Variants in RCAN2 observed in about 807,000 individuals in gnomAD.
RCAN2 encodes the protein regulator of calcineurin 2.
A neutral mutation model predicts 23.6 loss-of-function variants in RCAN2; 9 were observed. The ratio of observed to expected loss-of-function variants is 0.38; its 90% CI spans 0.23 to 0.67. The LOEUF (loss-of-function observed/expected upper bound fraction) is 0.67, where lower values mean the gene tolerates loss of function less well. RCAN2 is among the 30% of genes least tolerant of loss of function. RCAN2 has a pLI of 0.51. For missense variants in RCAN2, 273 were observed against 302.3 expected, an observed-to-expected ratio of 0.90 and a Z score of 0.72; for synonymous variants, 109 against 115.7, an observed-to-expected ratio of 0.94 and a Z score of 0.37.
intron 2 of RCAN2, among the ~76,000 whole-genome samples, chr6:46,285,254 TG>T (rs1486668634): frequency 1.9e-4 from 29 of 152,348 alleles, no homozygotes; most frequent in African/African-American, 6.7e-4. Context: ...ATCAAATGGA[TG>T]TTTAAAAATA....
At chr6:46,336,280 A>G (rs186976138) in intron 2 of RCAN2, among the ~76,000 whole-genome samples, 1 of 152,368 alleles carries the variant, frequency 6.6e-6, no homozygotes, top group East Asian at 1.9e-4. Flanking sequence ...TTGTAGAAAT[A>G]TAAGAGAACT....
At chr6:46,395,056 G>T (rs1381265388) in intron 2 of RCAN2, among the ~76,000 whole-genome samples, 1 of 152,188 alleles carries the variant, frequency 6.6e-6, no homozygotes, top group Non-Finnish European at 1.5e-5. Flanking sequence ...AAGTTGCCAG[G>T]AGTGGTGATA....
chr6:46,350,387 G>C (rs1246348725), intron 2 of RCAN2, among the ~76,000 whole-genome samples: 1 of 152,162 alleles, frequency 6.6e-6, no homozygotes, highest in Non-Finnish European at 1.5e-5. Context: ...GCTGGATAGA[G>C]GTGTCCAGAG....
chr6:46,489,016 T>C (rs1407490976), intron 1 of RCAN2, among the ~76,000 whole-genome samples: 3 of 152,252 alleles, frequency 2.0e-5, no homozygotes, highest in Non-Finnish European at 2.9e-5. Context: ...AAGGGCCACA[T>C]GGTTTCTCCT....
chr6:46,226,138 G>A (rs1765656533), intron 4 of RCAN2, among the ~76,000 whole-genome samples: 1 of 152,066 alleles, frequency 6.6e-6, no homozygotes, highest in African/African-American at 2.4e-5. Context: ...CTGTTCCATT[G>A]GTCTATATCT....
At chr6:46,401,568 T>C (rs924458923) in intron 2 of RCAN2, among the ~76,000 whole-genome samples, 2 of 152,202 alleles carry the variant, frequency 1.3e-5, no homozygotes, top group Non-Finnish European at 2.9e-5. Flanking sequence ...TATATAATAA[T>C]GGGGACTGAC....
At chr6:46,295,919 G>A (rs749910958) in intron 2 of RCAN2, among the ~76,000 whole-genome samples, 15 of 151,672 alleles carry the variant, frequency 9.9e-5, no homozygotes, top group Non-Finnish European at 2.2e-4. Flanking sequence ...GTGGAAGGAT[G>A]GAAGCAAGGA....
intron 2 of RCAN2, among the ~76,000 whole-genome samples, chr6:46,269,226 C>T (rs1767442166): frequency 6.6e-6 from 1 of 151,974 alleles, no homozygotes; most frequent in African/African-American, 2.4e-5. Flanking sequence ...CCATATTTTC[C>T]ATCTCTTTGT....
chr6:46,426,101 G>C (rs563970029), intron 2 of RCAN2, among the ~76,000 whole-genome samples: 3 of 151,760 alleles, frequency 2.0e-5, no homozygotes, highest in African/African-American at 7.3e-5. Context: ...GTTTCACCAT[G>C]TTGGTCAGGC....
chr6:46,456,824 G>A lies in RCAN2; in HGVS notation c.153C>T (p.Asp51=). Residue 51 remains aspartate (D), a synonymous_variant, in exon 2 of 5, where the codon GAC becomes GAT. Transcript: ENST00000371374. ...ACAACGAGTTGGGGAGGTCATTGAA[G>A]TCAGTGATTGCTTGAAAGGCTTCTT... is the stretch of plus-strand genomic sequence containing the variant. ...FAEEAFQAIT[D]FNDLPNSLFA... The A allele has an allele frequency of 1.9e-6, 3 of 1,550,804 alleles. No homozygotes were observed. The highest frequency in any genetic ancestry group is 2.6e-6 in the Non-Finnish European group (3 of 1,147,032).
At chr6:46,358,611 G>A (rs752045359) in intron 2 of RCAN2, among the ~76,000 whole-genome samples, 2 of 152,162 alleles carry the variant, frequency 1.3e-5, no homozygotes, top group Non-Finnish European at 2.9e-5. Flanking sequence ...ACCTCCCCAT[G>A]TATCAGGGAA....
At chr6:46,242,385 C>T (rs768763375) in intron 4 of RCAN2, among the ~76,000 whole-genome samples, 3 of 152,184 alleles carry the variant, frequency 2.0e-5, no homozygotes, top group African/African-American at 7.2e-5. Context: ...GTGTCATTGC[C>T]TCTGGGGGCA....
rs1008053181 is a variant in RCAN2 at position 46,454,043 on chromosome 6, G to T, written c.225+2709C>A. ...AAAAACAATTACCATGGCCAGCCTT[G>T]CCCATAGGCCAATACAAGGAGTGCT... On this transcript the variant is annotated intron_variant, in intron 2 of 4. Transcript: ENST00000371374. Among the ~76,000 whole-genome samples, 6 of 152,196 alleles carry T rather than the reference G, an allele frequency of 3.9e-5. No homozygotes were observed. The East Asian group carries it at 5.8e-4, about 15-fold the overall frequency.
intron 2 of RCAN2, among the ~76,000 whole-genome samples, chr6:46,342,154 A>C (rs1264854352): frequency 1.3e-5 from 2 of 152,180 alleles, no homozygotes; most frequent in East Asian, 3.9e-4. Flanking sequence ...GCTATGAAAG[A>C]CTGGCTCTAG....
chr6:46,468,726 A>C, intron 1 of RCAN2: 83 of 423,302 alleles, frequency 2.0e-4, no homozygotes, highest in Non-Finnish European at 2.5e-4. Context: ...ATACCCTCAG[A>C]TTCCCTCTCT....
At chr6:46,472,754 A>G (rs955145771) in intron 1 of RCAN2, among the ~76,000 whole-genome samples, 1 of 152,236 alleles carries the variant, frequency 6.6e-6, no homozygotes, top group Non-Finnish European at 1.5e-5. Flanking sequence ...TTGGGGAATC[A>G]AAACTCAATC....
chr6:46,254,181 A>G (rs1160876848), intron 2 of RCAN2, among the ~76,000 whole-genome samples: 1 of 152,190 alleles, frequency 6.6e-6, no homozygotes, highest in Non-Finnish European at 1.5e-5. Context: ...ATACCTTTGT[A>G]TTACTATGAA....
intron 2 of RCAN2, among the ~76,000 whole-genome samples, chr6:46,271,502 C>T (rs928641399): frequency 7.2e-5 from 11 of 152,146 alleles, no homozygotes; most frequent in South Asian, 2.1e-4. Context: ...ATCTGAGCAC[C>T]GTGGCACTGC....
intron 2 of RCAN2, among the ~76,000 whole-genome samples, chr6:46,429,923 T>G (rs1767141663): frequency 6.6e-6 from 1 of 152,028 alleles, no homozygotes; most frequent in African/African-American, 2.4e-5. Context: ...ATGACAACAG[T>G]TGTAAACTCA....
Sources: allele counts gnomAD v4.1 joint callset (sites outside exome capture counted in the v4.1 genomes callset), GRCh38; gene constraint gnomAD v4.1.1; transcripts MANE v1.5; gene names NCBI Gene and HGNC (gene_info 2026-07-23, HGNC 2026-07-21).